Variants in SULF2 observed in about 807,000 individuals in gnomAD.
The protein encoded by SULF2 is extracellular sulfatase Sulf-2.
SULF2 carries 52 observed loss-of-function variants against 107.7 expected under a neutral mutation model. That is an observed-to-expected ratio of 0.48 (90% CI 0.39 to 0.61). The LOEUF (loss-of-function observed/expected upper bound fraction) is 0.61. SULF2 is among the 20% of genes least tolerant of loss of function. The probability of loss-of-function intolerance (pLI) is 0.00; values close to 1 mark genes in which losing one functional copy is unlikely to be tolerated. For missense variants in SULF2, 993 were observed against 1,177.3 expected, an observed-to-expected ratio of 0.84 and a Z score of 2.29; for synonymous variants, 460 against 464.3, an observed-to-expected ratio of 0.99 and a Z score of 0.12.
Position 47,678,650 on chromosome 20 carries a change from C to G in SULF2, c.1193+26G>C. The G allele has an allele frequency of 6.2e-7, 1 of 1,612,706 alleles. No homozygotes were observed. Among genetic ancestry groups the G allele is most frequent in the African/African-American group, 1.3e-5 (1 of 75,014 alleles). ...CCGCAGGTCAATGTCCCGGCCCCCTCAACACCTGCCCTGCTCCGTCCTCAC... is the reference window on the plus strand; with the variant it reads ...CCGCAGGTCAATGTCCCGGCCCCCTGAACACCTGCCCTGCTCCGTCCTCAC... On this transcript the variant is annotated intron_variant, in intron 8 of 20. Coordinates refer to ENST00000688720, the MANE Select transcript of SULF2 (RefSeq NM_001387048.1). This position sits in a 1 kb window ranked among gnomAD's most constrained non-coding sequence, Gnocchi z 4.5.
chr20:47,781,599 T>C (rs1217921769), intron 1 of SULF2, among the ~76,000 whole-genome samples: 1 of 152,166 alleles, frequency 6.6e-6, no homozygotes, highest in Non-Finnish European at 1.5e-5. Flanking sequence ...CTCCATGACA[T>C]CTGTCCTGAC....
At position 47,684,426 on chromosome 20, in the gene SULF2, C is replaced by T; in HGVS notation, c.888+5G>A. 6.2e-7 allele frequency: 1 copy of T among 1,605,908 alleles called. No homozygotes were observed. The highest frequency in any genetic ancestry group is 8.5e-7 in the Non-Finnish European group (1 of 1,175,890). On this transcript the variant is annotated splice_donor_5th_base_variant and intron_variant, in intron 6 of 20. Transcript: ENST00000688720. ...CCCACCAAGAGGCATGCAGCGGGCG[C>T]CTACCGTCTCCATGGAGTCGTCCAC...
chr20:47,687,957 A>G (rs1162741162), intron 5 of SULF2, among the ~76,000 whole-genome samples: 1 of 150,488 alleles, frequency 6.6e-6, no homozygotes, highest in Non-Finnish European at 1.5e-5. Flanking sequence ...CTTGTGTGGT[A>G]TGTCTTTGTG....
intron 3 of SULF2, among the ~76,000 whole-genome samples, chr20:47,720,542 CATAATCT>C (rs2089261829): frequency 7.3e-6 from 1 of 137,318 alleles, no homozygotes; most frequent in Non-Finnish European, 1.6e-5. Context: ...ACAGGCCTAT[CATAATCT>C]TTTTTTTTTT....
In SULF2 at chr20:47,742,395, C is replaced by G. The variant is rs529846511; in HGVS notation, c.176-5453G>C. ...TGGGGACATGCAGACAAAAACAGAC[C>G]CGGTTTCTTTCCATGACCAAACCTT... On this transcript the variant is annotated intron_variant, in intron 2 of 20. Transcript: ENST00000688720. Among the ~76,000 whole-genome samples the G allele has an allele frequency of 1.7e-3, 254 of 152,308 alleles. 1 individual carries two copies. The highest frequency in any genetic ancestry group is 2.5e-3 in the Non-Finnish European group (169 of 68,026).
chr20:47,763,693 C>T (rs543773662), intron 1 of SULF2, among the ~76,000 whole-genome samples: 1 of 152,362 alleles, frequency 6.6e-6, no homozygotes, highest in Non-Finnish European at 1.5e-5. Flanking sequence ...TCTCTCTCTT[C>T]CTTCTTTCAC....
chr20:47,689,397 G>A (rs1022824598), intron 5 of SULF2, among the ~76,000 whole-genome samples: 3 of 152,200 alleles, frequency 2.0e-5, no homozygotes, highest in African/African-American at 7.2e-5. Context: ...TGCTCTGGGT[G>A]AGGCCAGCTA....
rs1362825602 is a variant in SULF2 at position 47,665,310 on chromosome 20, A to G, written c.1903-17T>C. 2 of 1,537,078 alleles carry G rather than the reference A, an allele frequency of 1.3e-6. No homozygotes were observed. The highest frequency in any genetic ancestry group is 1.1e-5 in the South Asian group (1 of 89,506). ...GGTTTCAATCTGAGGGAGGGGCAGA[A>G]GAGGAGGCCTTGAAACCTTCAAGGC... is the stretch of plus-strand genomic sequence containing the variant. On this transcript the variant is annotated splice_polypyrimidine_tract_variant and intron_variant, in intron 13 of 20. Transcript: ENST00000688720.
Position 47,663,595 on chromosome 20 carries a change from C to T in SULF2, c.2085G>A (p.Val695=). The part of the protein sequence containing the change: ...FRKGLQEKDK[V]WLLREQKRKK... ...TGCGCTTCTGCTCCCGCAACAGCCA[C>T]ACCTTGTCCTTCTCTTGCAGGCCCT... Residue 695 remains valine (V), a synonymous_variant, in exon 16 of 21, where the codon GTG becomes GTA. Coordinates refer to ENST00000688720, the MANE Select transcript of SULF2 (RefSeq NM_001387048.1). The T allele has an allele frequency of 6.2e-7, 1 of 1,602,504 alleles. No individual in the cohort carries two copies. Among genetic ancestry groups the T allele is most frequent in the Non-Finnish European group, 8.5e-7 (1 of 1,173,826 alleles).
intron 2 of SULF2, among the ~76,000 whole-genome samples, chr20:47,751,981 T>C (rs2090166840): frequency 6.6e-6 from 1 of 152,154 alleles, no homozygotes; most frequent in Admixed American, 6.5e-5. Flanking sequence ...AATTATGGGG[T>C]ATGTAACCAT....
intron 10 of SULF2, among the ~76,000 whole-genome samples, chr20:47,673,580 G>A (rs1017094371): frequency 1.3e-4 from 20 of 151,688 alleles, no homozygotes; most frequent in African/African-American, 3.2e-4. Context: ...CCCCTGTCCC[G>A]CCCATCTGTT....
intron 3 of SULF2, among the ~76,000 whole-genome samples, chr20:47,704,277 ATTTT>A (rs11480561): frequency 2.7e-5 from 4 of 150,262 alleles, no homozygotes; most frequent in Non-Finnish European, 5.9e-5. Flanking sequence ...TTGCATGTAC[ATTTT>A]TTTTTTCTTT....
In SULF2 at chr20:47,744,194, T is replaced by C. The variant is rs545124555; in HGVS notation, c.176-7252A>G. Among the ~76,000 whole-genome samples the C allele has an allele frequency of 7.2e-5, 11 of 152,270 alleles. No homozygotes were observed. In the South Asian group the frequency reaches 1.5e-3, roughly 20 times the overall value. On this transcript the variant is annotated intron_variant, in intron 2 of 20. Transcript: ENST00000688720. ...AGTTTTGCTTGTGTAATTTTATTGA[T>C]TGTTTTGAGATGGAGTCTCCCTCTG...
At chr20:47,682,563 T>C (rs2087860860) in intron 7 of SULF2, among the ~76,000 whole-genome samples, 1 of 152,032 alleles carries the variant, frequency 6.6e-6, no homozygotes, top group African/African-American at 2.4e-5. Context: ...GGAAGAGCAT[T>C]TCCCTTTGTG....
At chr20:47,766,770 T>G (rs1457182300) in intron 1 of SULF2, among the ~76,000 whole-genome samples, 5 of 150,514 alleles carry the variant, frequency 3.3e-5, no homozygotes, top group Admixed American at 3.3e-4. Context: ...GAGAACAGAG[T>G]GGCCATGGAT....
chr20:47,773,424 C>T (rs2090667481), intron 1 of SULF2, among the ~76,000 whole-genome samples: 5 of 152,196 alleles, frequency 3.3e-5, no homozygotes, highest in South Asian at 2.1e-4. Context: ...TTTCTATGAA[C>T]GGAGGAAGTA....
At chr20:47,733,627 G>T (rs1047044268) in intron 3 of SULF2, among the ~76,000 whole-genome samples, 20 of 152,026 alleles carry the variant, frequency 1.3e-4, no homozygotes, top group Non-Finnish European at 2.8e-4. Flanking sequence ...ACAAAAATTA[G>T]TCAGGCGTAG....
intron 3 of SULF2, among the ~76,000 whole-genome samples, chr20:47,726,501 A>G (rs1317940382): frequency 6.6e-6 from 1 of 152,144 alleles, no homozygotes; most frequent in African/African-American, 2.4e-5. Flanking sequence ...AGGCCCAGCC[A>G]TAGGCTCTAT....
At chr20:47,735,886 C>A (rs2089716971) in intron 3 of SULF2, among the ~76,000 whole-genome samples, 1 of 152,154 alleles carries the variant, frequency 6.6e-6, no homozygotes, top group Admixed American at 6.5e-5. Context: ...TTGCGGCACT[C>A]CCACCCAAAC....
Sources: allele counts gnomAD v4.1 joint callset (sites outside exome capture counted in the v4.1 genomes callset), GRCh38; gene constraint gnomAD v4.1.1; non-coding constraint Gnocchi (gnomAD v3.1); transcripts MANE v1.5; gene names NCBI Gene and HGNC (gene_info 2026-07-23, HGNC 2026-07-21).